CDHR2: variants seen among roughly 807,000 people sequenced by gnomAD.
CDHR2 encodes the protein cadherin related family member 2, also known as cadherin-related family member 2.
In CDHR2, 104 loss-of-function variants were observed where a neutral mutation model predicts 138.6. That is an observed-to-expected ratio of 0.75 (90% CI 0.64 to 0.88). CDHR2 has a LOEUF of 0.88. Among genes scored for constraint, CDHR2 ranks in the 40% least tolerant of loss-of-function variants. CDHR2 has a pLI of 0.00. For missense variants in CDHR2, 1,624 were observed against 1,727.6 expected (o/e 0.94, Z 1.06); for synonymous variants, 755 against 742.8 (o/e 1.02, Z -0.27).
At position 176,576,856 on chromosome 5, in the gene CDHR2, C is replaced by T. The variant is rs556054401; in HGVS notation, c.1195-543C>T. 1.7e-4 allele frequency among the ~76,000 whole-genome samples: 26 copies of T among 152,110 alleles called. No individual in the cohort carries two copies. Among genetic ancestry groups the T allele is most frequent in the Non-Finnish European group, 3.5e-4 (24 of 68,026 alleles). ...CCTCCCAAAGTGCTGGGATTGCAGG[C>T]GTGAGCCACCGCGCCCAGCCATGGG... On this transcript the variant is annotated intron_variant, in intron 12 of 31. Transcript: ENST00000261944. The surrounding 1 kb of genome is among the most constrained non-coding windows in gnomAD (Gnocchi z 4.5).
rs1272549150 is a variant in CDHR2 at position 176,582,860 on chromosome 5, TG to T, written c.2058+1280del. On this transcript the variant is annotated intron_variant, in intron 17 of 31. Coordinates refer to ENST00000261944, the MANE Select transcript of CDHR2 (RefSeq NM_017675.6). ...AATTGGGTTTTGACTTCAATCAGTC[TG>T]GTTCTAAGGCTGCCACCAGCCCACA... 2.0e-5 allele frequency among the ~76,000 whole-genome samples: 3 copies of T among 152,206 alleles called. No homozygotes were observed. In the East Asian group the frequency reaches 5.8e-4, roughly 29 times the overall value.
intron 1 of CDHR2, among the ~76,000 whole-genome samples, chr5:176,565,110 T>C (rs1191450351): frequency 6.6e-6 from 1 of 152,148 alleles, no homozygotes; most frequent in African/African-American, 2.4e-5. Flanking sequence ...GCATGGCAGG[T>C]CCTGGATTCA....
chr5:176,545,919 GA>G (rs1179286022), upstream of CDHR2, among the ~76,000 whole-genome samples: 1 of 152,258 alleles, frequency 6.6e-6, no homozygotes, highest in Admixed American at 6.5e-5. Context: ...GCCTCATCGT[GA>G]TGGGTCCAAA....
chr5:176,589,651 A>G (rs1758792689), intron 24 of CDHR2, 35 bp downstream of exon 24: 1 of 1,589,706 alleles, frequency 6.3e-7, no homozygotes, highest in African/African-American at 1.3e-5. Flanking sequence ...AGGGGTAGGA[A>G]GAACAGGGTG....
rs1201226075 is a variant in CDHR2 at position 176,555,127 on chromosome 5, T to C, written c.-16+5713T>C. 2.0e-5 allele frequency among the ~76,000 whole-genome samples: 3 copies of C among 152,202 alleles called. No homozygotes were observed. The East Asian group carries it at 5.8e-4, about 29-fold the overall frequency. Reference sequence around the variant, plus strand: ...TCATTGCCTGTGTTTCATGTTACGGTCACTTCCAGCTTCCCATGATTATAA... The same window carrying C: ...TCATTGCCTGTGTTTCATGTTACGGCCACTTCCAGCTTCCCATGATTATAA... On this transcript the variant is annotated intron_variant, in intron 1 of 31. Coordinates refer to ENST00000261944, the MANE Select transcript of CDHR2 (RefSeq NM_017675.6).
chr5:176,573,920 C>T lies in CDHR2; in HGVS notation c.406-163C>T, dbSNP rs560289340. The stretch of plus-strand genomic sequence containing the variant: ...AGGAGGGAGATCCTCTCTGCCGCCC[C>T]GCACCCCCAGGTGCCTTCCACCCGC... On this transcript the variant is annotated intron_variant, in intron 6 of 31. Transcript: ENST00000261944. Among the ~76,000 whole-genome samples the T allele has an allele frequency of 5.3e-5, 8 of 152,188 alleles. No homozygotes were observed. The East Asian group carries it at 1.2e-3, about 22-fold the overall frequency.
At chr5:176,564,386 C>G (rs1296573882) in intron 1 of CDHR2, among the ~76,000 whole-genome samples, 1 of 152,158 alleles carries the variant, frequency 6.6e-6, no homozygotes, top group Non-Finnish European at 1.5e-5. Context: ...CAGGGTTTCA[C>G]CATGTTGGTC....
At chr5:176,550,842 G>A (rs2113248372) in intron 1 of CDHR2, among the ~76,000 whole-genome samples, 1 of 152,214 alleles carries the variant, frequency 6.6e-6, no homozygotes, top group East Asian at 1.9e-4. Flanking sequence ...GAAAATCTTG[G>A]CACCGTGGAC....
chr5:176,595,742 A>C lies in CDHR2; in HGVS notation c.*70A>C. 7.2e-7 allele frequency: 1 copy of C among 1,383,720 alleles called. No homozygotes were observed. Among genetic ancestry groups the C allele is most frequent in the African/African-American group, 1.5e-5 (1 of 67,772 alleles). 85.7% of individuals were successfully genotyped at this position (1,383,720 alleles called of 1,614,324 possible). On this transcript the variant is annotated 3_prime_UTR_variant, in exon 32 of 32. Coordinates refer to ENST00000261944, the MANE Select transcript of CDHR2 (RefSeq NM_017675.6). ...ACCCTAACTGCACCTGTCTCCCTGG[A>C]GATGAAAATATATGACGCTGCCCTG... is the stretch of plus-strand genomic sequence containing the variant.
intron 31 of CDHR2, 121 bp from the exon 32 acceptor site, chr5:176,595,411 G>T: frequency 8.5e-7 from 1 of 1,176,984 alleles, no homozygotes; most frequent in South Asian, 1.7e-5. Flanking sequence ...AGGAGGGGCA[G>T]GGTGGGACCC....
intron 1 of CDHR2, among the ~76,000 whole-genome samples, 191 bp from the exon 2 acceptor site, chr5:176,565,147 C>T (rs1758050936): frequency 6.6e-6 from 1 of 152,144 alleles, no homozygotes; most frequent in African/African-American, 2.4e-5. Context: ...TCACCCCTAC[C>T]CCACCTGGCC....
chr5:176,571,351 C>A, intron 6 of CDHR2, 49 bp downstream of exon 6: 2 of 1,380,804 alleles, frequency 1.4e-6, no homozygotes, highest in Non-Finnish European at 2.0e-6. Context: ...TCCCAAAGTG[C>A]TTCTCAGAGT....
intron 21 of CDHR2, among the ~76,000 whole-genome samples, 161 bp from the exon 22 acceptor site, chr5:176,588,870 A>G (rs1349812266): frequency 6.6e-6 from 1 of 152,148 alleles, no homozygotes; most frequent in Non-Finnish European, 1.5e-5. Context: ...GAGCAGACAC[A>G]CTGTTTTTTG....
At position 176,595,615 on chromosome 5, in the gene CDHR2, T is replaced by G. The variant is rs1001088684; in HGVS notation, c.3876T>G (p.Ser1292Arg). 6.2e-7 allele frequency: 1 copy of G among 1,612,316 alleles called. No individual in the cohort carries two copies. The highest frequency in any genetic ancestry group is 1.3e-5 in the African/African-American group (1 of 74,834). The stretch of plus-strand genomic sequence containing the variant: ...TGTTAGGACGGCAGGCAGGCGCAAG[T>G]GGACAGCTGGAGGGGCCATCCTACA... ...VVLLGRQAGA[S>R]GQLEGPSYTN... is the part of the protein sequence containing the mutation. The change falls in exon 32 of 32, where the codon AGT (serine) becomes AGG (arginine). Residue 1292 changes from serine (S) to arginine (R), a missense_variant. Ser to Arg is a moderately radical substitution (Grantham distance 110). Transcript: ENST00000261944.
chr5:176,586,875 A>G (rs748592592), intron 21 of CDHR2, 33 bp downstream of exon 21: 21 of 1,591,582 alleles, frequency 1.3e-5, no homozygotes, highest in Non-Finnish European at 1.8e-5. Flanking sequence ...TGTTGGTCAT[A>G]TGAGCCCCAG....
chr5:176,571,097 A>G, intron 5 of CDHR2, 116 bp from the exon 6 acceptor site: 1 of 497,688 alleles, frequency 2.0e-6, no homozygotes. Context: ...AGAGAAAGAG[A>G]GACCAAACAG....
chr5:176,557,713 T>TC lies in CDHR2; in HGVS notation c.-15-7625_-15-7624insC, dbSNP rs1208860614. Among the ~76,000 whole-genome samples, 72 of 139,564 alleles carry TC rather than the reference T, an allele frequency of 5.2e-4. 1 individual carries two copies. The highest frequency in any genetic ancestry group is 1.8e-3 in the African/African-American group (68 of 36,776). 91.6% of individuals were successfully genotyped at this position (139,564 alleles called of 152,430 possible). ...TTCTTTCTTTCTTTCTTTCTTTCTT[T>TC]TTTTTTTATTTTGAAATGGAGTCTT... On this transcript the variant is annotated intron_variant, in intron 1 of 31. Coordinates refer to ENST00000261944, the MANE Select transcript of CDHR2 (RefSeq NM_017675.6).
chr5:176,584,814 C>A lies in CDHR2; in HGVS notation c.2533C>A (p.Gln845Lys). 1 of 1,614,192 alleles carries A rather than the reference C, an allele frequency of 6.2e-7. No individual in the cohort carries two copies. Among genetic ancestry groups the A allele is most frequent in the Non-Finnish European group, 8.5e-7 (1 of 1,180,030 alleles). ...DVDTSAQLEIQLVNILCTKAG... is the reference protein window; with the variant it reads ...DVDTSAQLEIKLVNILCTKAG... ...GGACACCAGTGCCCAGCTGGAGATA[C>A]AGCTTGTGAACATTCTCTGCACCAA... is the stretch of plus-strand genomic sequence containing the variant. Residue 845 changes from glutamine to lysine, a missense_variant, in exon 19 of 32, where the codon CAG becomes AAG. Around this residue, in one of 3 missense-constraint regions of CDHR2, gnomAD observed 1,061 missense variants for 1,136.6 expected, o/e 0.93. Coordinates refer to ENST00000261944, the MANE Select transcript of CDHR2 (RefSeq NM_017675.6).
intron 5 of CDHR2, among the ~76,000 whole-genome samples, chr5:176,569,287 G>GT (rs549604043): frequency 0.59 from 83,390 of 141,048 alleles, 26,396 homozygotes; most frequent in Non-Finnish European, 0.72. Flanking sequence ...TAAATTAAAT[G>GT]TTTTTTTTTT....
Sources: allele counts gnomAD v4.1 joint callset (sites outside exome capture counted in the v4.1 genomes callset), GRCh38; gene constraint gnomAD v4.1.1; regional missense constraint gnomAD v4.1.1; non-coding constraint Gnocchi (gnomAD v3.1); transcripts MANE v1.5; gene names NCBI Gene and HGNC (gene_info 2026-07-23, HGNC 2026-07-21).